PATJ: variants seen among roughly 807,000 people sequenced by gnomAD.
PATJ encodes inaD-like protein.
A neutral mutation model predicts 224.9 loss-of-function variants in PATJ; 190 were observed. The ratio of observed to expected loss-of-function variants is 0.84; its 90% confidence interval spans 0.75 to 0.95. The LOEUF (loss-of-function observed/expected upper bound fraction) is 0.95, where lower values mean the gene tolerates loss of function less well. Ranked by LOEUF, PATJ falls within the 40% of genes least tolerant of loss-of-function variation. The probability of loss-of-function intolerance (pLI) is 0.00; values close to 1 mark genes in which losing one functional copy is unlikely to be tolerated. For missense variants in PATJ, 2,121 were observed against 2,270.3 expected (o/e 0.93, Z 1.34); for synonymous variants, 769 against 820.3 (o/e 0.94, Z 1.07).
chr1:61,753,565 A>C (rs898378658), intron 1 of PATJ, among the ~76,000 whole-genome samples: 3 of 151,082 alleles, frequency 2.0e-5, no homozygotes, highest in Admixed American at 2.0e-4. Flanking sequence ...GCTGGAGTGC[A>C]GTGGCACGAT....
chr1:61,832,478 T>C (rs1182460352), intron 16 of PATJ, among the ~76,000 whole-genome samples: 2 of 152,212 alleles, frequency 1.3e-5, no homozygotes, highest in Non-Finnish European at 2.9e-5. Flanking sequence ...GTAGAGATGA[T>C]GCATTTTTAT....
chr1:61,905,088 G>C (rs2365732), intron 24 of PATJ, among the ~76,000 whole-genome samples: 114,228 of 151,346 alleles, frequency 0.75, 43,337 homozygotes, highest in East Asian at 1. Flanking sequence ...CCTTTTTGTT[G>C]AGTCAGGTGT....
At chr1:62,019,160 G>A (rs1290645753) in intron 29 of PATJ, among the ~76,000 whole-genome samples, 1 of 151,402 alleles carries the variant, frequency 6.6e-6, no homozygotes, top group Non-Finnish European at 1.5e-5. Context: ...CAAGAGAATT[G>A]GTTGAACCCA....
At chr1:61,795,437 T>A (rs201774769) in intron 9 of PATJ, 30 bp from the exon 10 acceptor site, 49 of 1,396,440 alleles carry the variant, frequency 3.5e-5, no homozygotes, top group Non-Finnish European at 4.7e-5. Flanking sequence ...AGAATTTTCT[T>A]CCTTTTTCCG....
chr1:61,768,824 C>T (rs1328400999), intron 4 of PATJ, among the ~76,000 whole-genome samples: 1 of 151,872 alleles, frequency 6.6e-6, no homozygotes, highest in East Asian at 1.9e-4. Flanking sequence ...CGCTTGAGCC[C>T]AGAAGACGGA....
chr1:61,984,144 G>T (rs983656950), intron 27 of PATJ, among the ~76,000 whole-genome samples: 2 of 143,532 alleles, frequency 1.4e-5, no homozygotes, highest in Non-Finnish European at 3.0e-5. Context: ...TATGAAATAC[G>T]CTCAATTATT....
chr1:61,801,620 T>TAGGA lies in PATJ; in HGVS notation c.1403-1_1405dup. On this transcript the variant is annotated splice_polypyrimidine_tract_variant and splice_region_variant and intron_variant, in intron 11 of 43. Coordinates refer to ENST00000642238, the MANE Select transcript of PATJ (RefSeq NM_001350145.3). ...TTTAAAAAATTATTTTTTTTTGTTT[T>TAGGA]AGGAACTGTTGTAGAACCACTGAAA... The TAGGA allele has an allele frequency of 6.6e-7, 1 of 1,505,326 alleles. No homozygotes were observed. Among genetic ancestry groups the TAGGA allele is most frequent in the Non-Finnish European group, 8.9e-7 (1 of 1,125,358 alleles). The allele number at this position is 1,505,326 out of a possible 1,614,324, so 93.2% of individuals were successfully genotyped here.
intron 27 of PATJ, among the ~76,000 whole-genome samples, chr1:61,944,345 G>A (rs1678328314): frequency 6.6e-6 from 1 of 152,168 alleles, no homozygotes; most frequent in East Asian, 1.9e-4. Flanking sequence ...TTAGGCGAAT[G>A]GCCAACTAGA....
At chr1:61,951,388 G>T (rs940354661) in intron 27 of PATJ, among the ~76,000 whole-genome samples, 6 of 151,652 alleles carry the variant, frequency 4.0e-5, no homozygotes, top group Admixed American at 2.0e-4. Flanking sequence ...GTTTTCTTTG[G>T]GTATTCTTGA....
chr1:61,819,041 G>A (rs1656736051), intron 14 of PATJ, among the ~76,000 whole-genome samples: 1 of 152,134 alleles, frequency 6.6e-6, no homozygotes, highest in South Asian at 2.1e-4. Context: ...GTACTCATTT[G>A]CTCAAACCAG....
intron 3 of PATJ, among the ~76,000 whole-genome samples, chr1:61,763,446 TG>T (rs1345258718): frequency 2.0e-5 from 3 of 151,550 alleles, no homozygotes; most frequent in Non-Finnish European, 4.4e-5. Context: ...GTGGGAGGAC[TG>T]CTTGAGCCCA....
At chr1:62,082,874 G>A (rs1659455840) in intron 32 of PATJ, among the ~76,000 whole-genome samples, 1 of 151,926 alleles carries the variant, frequency 6.6e-6, no homozygotes, top group Non-Finnish European at 1.5e-5. Context: ...TAGGTTTAAT[G>A]AGCACTGGGA....
chr1:61,897,824 G>C (rs1571179602), intron 22 of PATJ, among the ~76,000 whole-genome samples: 1 of 148,500 alleles, frequency 6.7e-6, no homozygotes, highest in African/African-American at 2.5e-5. Context: ...AAAGACGTTA[G>C]AAAGTAACCA....
In PATJ at chr1:61,777,703, CTTTTTTTT is replaced by C. The variant is rs66470863; in HGVS notation, c.849+2386_849+2393del. On this transcript the variant is annotated intron_variant, in intron 7 of 43. Coordinates refer to ENST00000642238, the MANE Select transcript of PATJ (RefSeq NM_001350145.3). ...TTCTTCCTTTTTTCTTTCTTTCTTT[CTTTTTTTT>C]TTTTTTTTTTTTTTTTAGCATAGTC... is the stretch of plus-strand genomic sequence containing the variant. 1.0e-4 allele frequency among the ~76,000 whole-genome samples: 5 copies of C among 48,746 alleles called. No individual in the cohort carries two copies. In the East Asian group the frequency reaches 2.7e-3, roughly 26 times the overall value. The allele number at this position is 48,746 out of a possible 152,430, so 32.0% of individuals were successfully genotyped here.
Position 61,928,053 on chromosome 1 carries a change from A to G in PATJ, c.3670+224A>G, listed in dbSNP as rs150447795. On this transcript the variant is annotated intron_variant, in intron 27 of 43. Transcript: ENST00000642238. The stretch of plus-strand genomic sequence containing the variant: ...ATTGAAGGAAGCTATGCTGTACACT[A>G]TTTTTCCTATATTCCCTTCTAATCT... Among the ~76,000 whole-genome samples the G allele has an allele frequency of 5.4e-4, 82 of 152,254 alleles. 1 individual carries two copies. The highest frequency in any genetic ancestry group is 1.6e-3 in the African/African-American group (67 of 41,540).
intron 31 of PATJ, among the ~76,000 whole-genome samples, chr1:62,062,494 T>C (rs1460607896): frequency 9.6e-4 from 108 of 112,038 alleles, no homozygotes; most frequent in African/African-American, 3.3e-3. Context: ...AGCAACCTTT[T>C]TTTTTTTTTT....
chr1:61,837,327 C>G (rs1255062954), intron 17 of PATJ, among the ~76,000 whole-genome samples: 1 of 152,130 alleles, frequency 6.6e-6, no homozygotes, highest in Non-Finnish European at 1.5e-5. Context: ...CTTTAACTCT[C>G]TAGTTAGATT....
chr1:61,928,561 T>C (rs1435490780), intron 27 of PATJ, among the ~76,000 whole-genome samples: 1 of 152,118 alleles, frequency 6.6e-6, no homozygotes, highest in Non-Finnish European at 1.5e-5. Flanking sequence ...AGGAATTCAA[T>C]ATTGAAATTG....
chr1:61,766,874 C>G (rs1646309237), intron 4 of PATJ, among the ~76,000 whole-genome samples: 1 of 152,112 alleles, frequency 6.6e-6, no homozygotes, highest in Non-Finnish European at 1.5e-5. Flanking sequence ...GGGTGGATCA[C>G]TAGAGGTCAG....
Sources: allele counts gnomAD v4.1 joint callset (sites outside exome capture counted in the v4.1 genomes callset), GRCh38; gene constraint gnomAD v4.1.1; transcripts MANE v1.5; gene names NCBI Gene and HGNC (gene_info 2026-07-23, HGNC 2026-07-21).